The following DOCK2 variants were observed in gnomAD, a reference collection of about 807,000 sequenced individuals.
DOCK2 encodes the protein dedicator of cytokinesis protein 2.
In DOCK2, 87 loss-of-function variants were observed where a neutral mutation model predicts 248.9. That is an observed-to-expected ratio of 0.35 (90% CI 0.29 to 0.42). DOCK2 has a LOEUF of 0.42. DOCK2 is among the 10% of genes least tolerant of loss of function. The pLI is 1.00. For missense variants in DOCK2, 1,747 were observed against 2,300.2 expected (o/e 0.76, Z 4.92); for synonymous variants, 805 against 821.6 (o/e 0.98, Z 0.35).
rs1226122588 is a variant in DOCK2, at chr5:169,759,709, C to T, written c.2381C>T (p.Ala794Val). 6 of 1,613,812 alleles carry T rather than the reference C, an allele frequency of 3.7e-6. No homozygotes were observed. The highest frequency in any genetic ancestry group is 5.1e-6 in the Non-Finnish European group (6 of 1,179,856). Residue 794 changes from alanine to valine, a missense_variant, in exon 24 of 52, where the codon GCG (alanine) becomes GTG (valine). Ala to Val is a moderately conservative substitution (Grantham distance 64). Coordinates refer to ENST00000520908, the MANE Select transcript of DOCK2 (RefSeq NM_004946.3). ...QYKTTILLQVAALKYIPSVLH... is the reference protein window; with the variant it reads ...QYKTTILLQVVALKYIPSVLH... ...TGTATTTTACATTCCACCTAGGTGG[C>T]GGCTTTGAAATACATCCCATCTGTC...
At chr5:169,991,679 G>A (rs758828266) in intron 29 of DOCK2, among the ~76,000 whole-genome samples, 3 of 152,230 alleles carry the variant, frequency 2.0e-5, no homozygotes, top group African/African-American at 4.8e-5. Context: ...GACAAAGTGC[G>A]AAGGGCTGCG....
chr5:169,862,036 A>C (rs1453198135), intron 27 of DOCK2, among the ~76,000 whole-genome samples: 1 of 152,108 alleles, frequency 6.6e-6, no homozygotes, highest in Non-Finnish European at 1.5e-5. Context: ...TCAACTGGAA[A>C]CATATCTATG....
At chr5:169,853,020 C>T (rs1770695414) in intron 27 of DOCK2, among the ~76,000 whole-genome samples, 1 of 152,076 alleles carries the variant, frequency 6.6e-6, no homozygotes, top group African/African-American at 2.4e-5. Flanking sequence ...GTGGGAGGGA[C>T]CTGGTAGGAG....
chr5:170,071,375 A>G (rs2113871184), intron 46 of DOCK2, among the ~76,000 whole-genome samples: 1 of 152,292 alleles, frequency 6.6e-6, no homozygotes, highest in Middle Eastern at 3.4e-3. Flanking sequence ...AATTTACTTA[A>G]AACACGAGAA....
intron 26 of DOCK2, among the ~76,000 whole-genome samples, chr5:169,817,261 C>T (rs1275682660): frequency 6.6e-6 from 1 of 152,228 alleles, no homozygotes. Flanking sequence ...TTGACATTTG[C>T]TCTTGTCATG....
At chr5:169,993,161 A>G (rs1326873574) in intron 29 of DOCK2, among the ~76,000 whole-genome samples, 1 of 152,278 alleles carries the variant, frequency 6.6e-6, no homozygotes, top group Non-Finnish European at 1.5e-5. Context: ...CAGATAACTA[A>G]TCTTTAAGGA....
intron 39 of DOCK2, among the ~76,000 whole-genome samples, chr5:170,046,212 A>G (rs1756703683): frequency 6.6e-6 from 1 of 152,200 alleles, no homozygotes; most frequent in Non-Finnish European, 1.5e-5. Context: ...ATTTGCAGTA[A>G]AAGTTCCACA....
intron 1 of DOCK2, among the ~76,000 whole-genome samples, chr5:169,650,673 C>T (rs1392431750): frequency 6.6e-6 from 1 of 152,144 alleles, no homozygotes; most frequent in East Asian, 1.9e-4. Flanking sequence ...CTGGGATTTC[C>T]AATGTGAGTC....
rs1399902605 is a variant in DOCK2 at position 169,844,693 on chromosome 5, C to A, written c.2799+3841C>A. On this transcript the variant is annotated intron_variant, in intron 27 of 51. Coordinates refer to ENST00000520908, the MANE Select transcript of DOCK2 (RefSeq NM_004946.3). Reference sequence around the variant, plus strand: ...CACTGTGGTTTTAATTTTCCTTTCCCCAATGATGAATGATATTGATCACAT... The same window carrying A: ...CACTGTGGTTTTAATTTTCCTTTCCACAATGATGAATGATATTGATCACAT... 2.0e-5 allele frequency among the ~76,000 whole-genome samples: 3 copies of A among 151,478 alleles called. No homozygotes were observed. In the East Asian group the frequency reaches 5.8e-4, roughly 29 times the overall value.
rs142371147 is a variant in DOCK2 at position 169,757,897 on chromosome 5, A to G, written c.2377-1808A>G. On this transcript the variant is annotated intron_variant, in intron 23 of 51. Coordinates refer to ENST00000520908, the MANE Select transcript of DOCK2 (RefSeq NM_004946.3). ...AAAAATCTACAAGATTGTATGTCCA[A>G]TGGTAGCAAGGTTATGGGGAAATGG... Among the ~76,000 whole-genome samples, 910 of 152,328 alleles carry G rather than the reference A, an allele frequency of 6.0e-3. 5 individuals carry two copies. Among genetic ancestry groups the G allele is most frequent in the Non-Finnish European group, 9.3e-3 (631 of 68,028 alleles).
At chr5:169,985,475 G>A (rs892583508) in intron 28 of DOCK2, among the ~76,000 whole-genome samples, 1 of 151,804 alleles carries the variant, frequency 6.6e-6, no homozygotes, top group Non-Finnish European at 1.5e-5. Flanking sequence ...TTTGCTCAAT[G>A]ACCTGAGATG....
At chr5:169,794,780 G>T (rs1431066809) in intron 25 of DOCK2, among the ~76,000 whole-genome samples, 3 of 152,162 alleles carry the variant, frequency 2.0e-5, no homozygotes, top group Admixed American at 2.0e-4. Flanking sequence ...AAAATTAGCT[G>T]GGTGTGGTGG....
At position 169,878,591 on chromosome 5, in the gene DOCK2, G is replaced by A. The variant is rs111408240; in HGVS notation, c.2799+37739G>A. On this transcript the variant is annotated intron_variant, in intron 27 of 51. Coordinates refer to ENST00000520908, the MANE Select transcript of DOCK2 (RefSeq NM_004946.3). ...CCAGCATTAGGAAGGTTTTAAAGACGTTCTAGTACCAAACTCAGATTTTCC... is the reference window on the plus strand; with the variant it reads ...CCAGCATTAGGAAGGTTTTAAAGACATTCTAGTACCAAACTCAGATTTTCC... Among the ~76,000 whole-genome samples the A allele has an allele frequency of 1.6e-4, 24 of 152,284 alleles. 1 individual carries two copies. Among genetic ancestry groups the A allele is most frequent in the South Asian group, 1.4e-3 (7 of 4,828 alleles).
intron 15 of DOCK2, among the ~76,000 whole-genome samples, chr5:169,708,651 G>A (rs1257438595): frequency 1.3e-5 from 2 of 150,702 alleles, no homozygotes; most frequent in Non-Finnish European, 2.9e-5. Context: ...TGCAACCACT[G>A]TCTCCCAGGT....
intron 27 of DOCK2, among the ~76,000 whole-genome samples, chr5:169,899,519 A>C (rs929080983): frequency 6.6e-6 from 1 of 152,200 alleles, no homozygotes; most frequent in South Asian, 2.1e-4. Context: ...AATGGACTTG[A>C]GGATAGAAGG....
At chr5:170,040,343 G>T (rs987377283) in intron 36 of DOCK2, among the ~76,000 whole-genome samples, 1 of 152,102 alleles carries the variant, frequency 6.6e-6, no homozygotes, top group Admixed American at 6.5e-5. Flanking sequence ...CAGTTATATT[G>T]CCATCTCATG....
At chr5:169,972,864 G>A (rs1486497036) in intron 27 of DOCK2, among the ~76,000 whole-genome samples, 2 of 152,142 alleles carry the variant, frequency 1.3e-5, no homozygotes, top group Non-Finnish European at 1.5e-5. Context: ...GCGGAATTGA[G>A]CAATGCAGAG....
intron 23 of DOCK2, among the ~76,000 whole-genome samples, chr5:169,749,219 A>G (rs751045235): frequency 1.1e-4 from 16 of 152,242 alleles, no homozygotes; most frequent in Non-Finnish European, 1.6e-4. Context: ...CCCTGAGGCT[A>G]AATTTGGCCC....
intron 27 of DOCK2, among the ~76,000 whole-genome samples, chr5:169,959,254 G>A (rs759809802): frequency 6.6e-6 from 1 of 151,954 alleles, no homozygotes. Context: ...ATAGCTGGGC[G>A]TGGTGGTGCA....
Sources: gnomAD v4.1 joint callset for allele counts (sites outside exome capture counted in the v4.1 genomes callset) on GRCh38, gnomAD v4.1.1 for gene constraint, MANE v1.5 for transcripts, NCBI Gene and HGNC (gene_info 2026-07-23, HGNC 2026-07-21) for gene names.